The following ATP8A2 variants were observed in gnomAD, a reference collection of about 807,000 sequenced individuals.
The protein encoded by ATP8A2 is phospholipid-transporting ATPase IB.
A neutral mutation model predicts 165.6 loss-of-function variants in ATP8A2; 100 were observed. The ratio of observed to expected loss-of-function variants is 0.60; its 90% CI spans 0.51 to 0.71. The LOEUF (loss-of-function observed/expected upper bound fraction) is 0.71. ATP8A2 is among the 30% of genes least tolerant of loss of function. The probability of loss-of-function intolerance (pLI) is 0.00; values close to 1 mark genes in which losing one functional copy is unlikely to be tolerated. For synonymous variants in ATP8A2, 543 were observed against 548.8 expected (o/e 0.99, Z 0.15); for missense variants, 1,227 against 1,479.5 (o/e 0.83, Z 2.80).
chr13:25,388,579 C>T (rs9507511), intron 1 of ATP8A2, among the ~76,000 whole-genome samples: 33,291 of 152,034 alleles, frequency 0.22, 4,210 homozygotes, highest in Non-Finnish European at 0.27. Context: ...CAGGGATTTT[C>T]GCAGTGCTTT....
intron 28 of ATP8A2, among the ~76,000 whole-genome samples, chr13:25,835,291 C>T (rs541347071): frequency 1.3e-5 from 2 of 152,172 alleles, no homozygotes; most frequent in South Asian, 4.2e-4. Flanking sequence ...AAAGTGAGTG[C>T]AACAAGTCCC....
At chr13:25,382,366 GAAATTATAAATAA>G (rs1359641643) in intron 1 of ATP8A2, among the ~76,000 whole-genome samples, 14 of 152,100 alleles carry the variant, frequency 9.2e-5, no homozygotes, top group Non-Finnish European at 1.9e-4. Context: ...TCACTTTTTT[GAAATTATAAATAA>G]AGCTGCTATA....
At chr13:25,983,555 A>G (rs1956214138) in intron 35 of ATP8A2, among the ~76,000 whole-genome samples, 1 of 152,218 alleles carries the variant, frequency 6.6e-6, no homozygotes, top group South Asian at 2.1e-4. Flanking sequence ...CTAAAAGTAC[A>G]TTTCCTTTAT....
At chr13:25,649,846 C>T (rs2041768566) in intron 24 of ATP8A2, among the ~76,000 whole-genome samples, 1 of 152,132 alleles carries the variant, frequency 6.6e-6, no homozygotes, top group South Asian at 2.1e-4. Flanking sequence ...CTCAGCTTTG[C>T]CTGTGAGCTA....
At chr13:25,777,325 C>T (rs540649797) in intron 27 of ATP8A2, among the ~76,000 whole-genome samples, 9 of 152,194 alleles carry the variant, frequency 5.9e-5, no homozygotes, top group South Asian at 2.1e-4. Context: ...TTACTTCTTT[C>T]GCATCAACAT....
chr13:25,983,714 G>T (rs139647503), intron 35 of ATP8A2, among the ~76,000 whole-genome samples: 1 of 152,124 alleles, frequency 6.6e-6, no homozygotes, highest in Non-Finnish European at 1.5e-5. Flanking sequence ...GTGAATCCAG[G>T]CAAAAGCATG....
intron 2 of ATP8A2, among the ~76,000 whole-genome samples, chr13:25,492,978 A>G (rs1215158292): frequency 1.3e-5 from 2 of 152,208 alleles, no homozygotes; most frequent in Non-Finnish European, 2.9e-5. Flanking sequence ...CTTGGAAGGA[A>G]GATGTATTCT....
chr13:25,725,512 A>AG (rs1251492664), intron 25 of ATP8A2, among the ~76,000 whole-genome samples: 1 of 152,124 alleles, frequency 6.6e-6, no homozygotes. Flanking sequence ...GACAACAGAC[A>AG]GGGGTGCTGG....
At chr13:25,903,769 C>G (rs1953843112) in intron 33 of ATP8A2, among the ~76,000 whole-genome samples, 1 of 152,188 alleles carries the variant, frequency 6.6e-6, no homozygotes, top group Non-Finnish European at 1.5e-5. Context: ...ACACCTTACC[C>G]TGTTTCCAAG....
chr13:25,424,605 T>C lies in ATP8A2; in HGVS notation c.77-44372T>C, dbSNP rs182651712. ...ATATTTACAGGGTTCCTTTGAAACATGGTGATAAAACACTCCGCCAAACTT... is the reference window on the plus strand; with the variant it reads ...ATATTTACAGGGTTCCTTTGAAACACGGTGATAAAACACTCCGCCAAACTT... On this transcript the variant is annotated intron_variant, in intron 1 of 36. Transcript: ENST00000381655. Among the ~76,000 whole-genome samples the C allele has an allele frequency of 3.9e-3, 589 of 152,316 alleles. 3 individuals are homozygous for C. Among genetic ancestry groups the C allele is most frequent in the Non-Finnish European group, 6.3e-3 (426 of 68,020 alleles).
chr13:25,973,357 A>G (rs1955956293), intron 35 of ATP8A2, among the ~76,000 whole-genome samples: 1 of 151,888 alleles, frequency 6.6e-6, no homozygotes, highest in Non-Finnish European at 1.5e-5. Flanking sequence ...GGGAAACCTG[A>G]CTCTTGCTCT....
At chr13:25,910,247 A>G (rs1954062005) in intron 33 of ATP8A2, among the ~76,000 whole-genome samples, 1 of 152,196 alleles carries the variant, frequency 6.6e-6, no homozygotes, top group Non-Finnish European at 1.5e-5. Context: ...TTCATAATGG[A>G]ATAATACTTG....
chr13:25,851,433 G>T, intron 30 of ATP8A2, among the ~76,000 whole-genome samples: 1 of 151,970 alleles, frequency 6.6e-6, no homozygotes, highest in African/African-American at 2.4e-5. Flanking sequence ...AAATACAAAA[G>T]TTAGCCAGGC....
chr13:25,974,764 A>T (rs908999349), intron 35 of ATP8A2, among the ~76,000 whole-genome samples: 1 of 151,620 alleles, frequency 6.6e-6, no homozygotes, highest in African/African-American at 2.4e-5. Context: ...CAGTGTCCAC[A>T]CTGTCCCCTC....
intron 25 of ATP8A2, among the ~76,000 whole-genome samples, chr13:25,749,013 C>T (rs2044098046): frequency 6.6e-6 from 1 of 152,162 alleles, no homozygotes; most frequent in South Asian, 2.1e-4. Flanking sequence ...TTCACCATGG[C>T]TTGTAGTGAG....
intron 10 of ATP8A2, among the ~76,000 whole-genome samples, chr13:25,545,379 T>G (rs1438483708): frequency 6.6e-6 from 1 of 152,078 alleles, no homozygotes; most frequent in Admixed American, 6.6e-5. Context: ...GCGGCCTGCA[T>G]ATGAAGACTT....
intron 33 of ATP8A2, among the ~76,000 whole-genome samples, chr13:25,946,030 G>C (rs1324643324): frequency 1.3e-5 from 2 of 152,194 alleles, no homozygotes; most frequent in African/African-American, 4.8e-5. Flanking sequence ...GAGCACAGCT[G>C]ACCAGGCTAG....
chr13:25,525,206 A>G (rs2037804869), intron 2 of ATP8A2, among the ~76,000 whole-genome samples: 1 of 152,018 alleles, frequency 6.6e-6, no homozygotes, highest in South Asian at 2.1e-4. Flanking sequence ...TATCTCCCCT[A>G]CATATTGATT....
intron 33 of ATP8A2, among the ~76,000 whole-genome samples, chr13:25,935,088 C>T (rs1404405000): frequency 2.0e-5 from 3 of 152,174 alleles, no homozygotes; most frequent in Non-Finnish European, 4.4e-5. Flanking sequence ...CCAGCAAACA[C>T]CCTACAAAGA....
Sources: allele counts gnomAD v4.1 joint callset (sites outside exome capture counted in the v4.1 genomes callset), GRCh38; gene constraint gnomAD v4.1.1; transcripts MANE v1.5; gene names NCBI Gene and HGNC (gene_info 2026-07-23, HGNC 2026-07-21).